Variants in TET3 observed in about 807,000 individuals in gnomAD.
TET3 encodes tet methylcytosine dioxygenase 3, also known as methylcytosine dioxygenase TET3.
Under a neutral mutation model 141.4 loss-of-function variants are expected in TET3, and 19 were observed. That is an observed-to-expected ratio of 0.13 (90% CI 0.09 to 0.20). The LOEUF is 0.20. TET3 is among the 10% of genes least tolerant of loss of function. The pLI is 1.00. For missense variants in TET3, 1,874 were observed against 2,356.9 expected (o/e 0.80, Z 4.24); for synonymous variants, 1,043 against 980.9 (o/e 1.06, Z -1.18).
chr2:74,061,046 G>A (rs1270707251), intron 4 of TET3, among the ~76,000 whole-genome samples: 2 of 152,074 alleles, frequency 1.3e-5, no homozygotes, highest in Non-Finnish European at 2.9e-5. Context: ...TCCCAGACGG[G>A]GTGGTGGCCG....
chr2:74,123,487 C>T, the TET3 span, among the ~76,000 whole-genome samples: 9 of 152,306 alleles, frequency 5.9e-5, no homozygotes, highest in South Asian at 2.1e-4. Context: ...GGCCTGTGGG[C>T]GGAACCGACC....
chr2:74,027,991 CTTTTT>C (rs936974587), intron 3 of TET3, among the ~76,000 whole-genome samples: 3 of 149,898 alleles, frequency 2.0e-5, no homozygotes, highest in African/African-American at 7.4e-5. Flanking sequence ...GTTTTTTTCA[CTTTTT>C]TTTTAAGAGG....
At chr2:74,118,732 A>T in the TET3 span, among the ~76,000 whole-genome samples, 1 of 152,162 alleles carries the variant, frequency 6.6e-6, no homozygotes, top group African/African-American at 2.4e-5. Context: ...CATATATATA[A>T]CACATATATA....
chr2:74,021,441 C>T (rs761840541), intron 3 of TET3, among the ~76,000 whole-genome samples: 1 of 152,244 alleles, frequency 6.6e-6, no homozygotes, highest in Non-Finnish European at 1.5e-5. Flanking sequence ...TTTGGCGTTT[C>T]AGAGAGCATC....
intron 3 of TET3, among the ~76,000 whole-genome samples, chr2:74,042,678 C>T (rs1453495252): frequency 6.6e-6 from 1 of 152,216 alleles, no homozygotes; most frequent in African/African-American, 2.4e-5. Flanking sequence ...TTCTGTGGAC[C>T]TGACTCCTTG....
intron 11 of TET3, 92 bp from the exon 12 acceptor site, chr2:74,100,301 A>G (rs1691109389): frequency 7.6e-7 from 1 of 1,316,276 alleles, no homozygotes; most frequent in Admixed American, 2.2e-5. Context: ...TCCCTGGGAA[A>G]GAGGGAGGGT....
In TET3 at chr2:74,060,594, G is replaced by A. The variant is rs529601057; in HGVS notation, c.2494+12183G>A. Reference sequence around the variant, plus strand: ...CAGAGGGGGATTTGGCAGGGTCATAGGACAATAGTGGAGGGAAGGTCAGCA... The same window carrying A: ...CAGAGGGGGATTTGGCAGGGTCATAAGACAATAGTGGAGGGAAGGTCAGCA... On this transcript the variant is annotated intron_variant, in intron 4 of 11. Coordinates refer to ENST00000409262, the MANE Select transcript of TET3 (RefSeq NM_001287491.2). Among the ~76,000 whole-genome samples the A allele has an allele frequency of 4.1e-3, 622 of 152,086 alleles. 4 individuals carry two copies. Among genetic ancestry groups the A allele is most frequent in the African/African-American group, 0.014 (565 of 41,452 alleles).
intron 3 of TET3, among the ~76,000 whole-genome samples, chr2:74,018,187 G>C (rs141274438): frequency 6.6e-6 from 1 of 151,792 alleles, no homozygotes; most frequent in African/African-American, 2.4e-5. Flanking sequence ...GGCTGTTTTC[G>C]AACTCGCGCC....
chr2:74,028,182 G>A (rs755988337), intron 3 of TET3, among the ~76,000 whole-genome samples: 1 of 151,666 alleles, frequency 6.6e-6, no homozygotes, highest in Non-Finnish European at 1.5e-5. Context: ...GTAGAGCAGG[G>A]GTCTTGCTTT....
intron 10 of TET3, among the ~76,000 whole-genome samples, chr2:74,097,690 A>T (rs2104179526): frequency 6.6e-6 from 1 of 152,258 alleles, no homozygotes; most frequent in South Asian, 2.1e-4. Flanking sequence ...GAAGTTTAGG[A>T]TTGAACAGTT....
intron 1 of TET3, among the ~76,000 whole-genome samples, chr2:73,985,551 C>T (rs1317747019): frequency 2.0e-5 from 3 of 147,994 alleles, no homozygotes; most frequent in East Asian, 2.0e-4. Context: ...CCAGGGCGCG[C>T]CCCCACCTCC....
intron 3 of TET3, among the ~76,000 whole-genome samples, chr2:74,040,289 G>A (rs1343067477): frequency 1.3e-5 from 2 of 152,010 alleles, no homozygotes; most frequent in Non-Finnish European, 2.9e-5. Context: ...GATACATAGA[G>A]TTGCTTAAAG....
chr2:74,092,824 G>A (rs1405966972), intron 8 of TET3, 78 bp from the exon 9 acceptor site: 1 of 1,286,888 alleles, frequency 7.8e-7, no homozygotes, highest in East Asian at 2.5e-5. Context: ...GATGCTTCAG[G>A]AATGCCAGTC....
Position 74,079,302 on chromosome 2 carries a change from C to T in TET3, c.2586-1196C>T, listed in dbSNP as rs1032969376. Among the ~76,000 whole-genome samples, 12 of 152,268 alleles carry T rather than the reference C, an allele frequency of 7.9e-5. No individual in the cohort carries two copies. The East Asian group carries it at 2.3e-3, about 29-fold the overall frequency. ...CGGAGGTTGCAATGAGCCGAGATTGCACCACTGCATTCCAGCCTGGGCGAC... is the reference window on the plus strand; with the variant it reads ...CGGAGGTTGCAATGAGCCGAGATTGTACCACTGCATTCCAGCCTGGGCGAC... On this transcript the variant is annotated intron_variant, in intron 5 of 11. Coordinates refer to ENST00000409262, the MANE Select transcript of TET3 (RefSeq NM_001287491.2).
At chr2:73,987,858 G>A (rs1441819669) in intron 2 of TET3, among the ~76,000 whole-genome samples, 3 of 152,340 alleles carry the variant, frequency 2.0e-5, no homozygotes, top group South Asian at 2.1e-4. Context: ...CTGGCAGCCC[G>A]TGCTCTGGGT....
At chr2:74,123,205 T>G in the TET3 span, 1 of 152,348 alleles carries the variant, frequency 6.6e-6, no homozygotes, top group East Asian at 1.9e-4. Flanking sequence ...TGATTTGGAC[T>G]AAAATGCCAA....
intron 3 of TET3, among the ~76,000 whole-genome samples, chr2:74,044,388 C>CA (rs1468640257): frequency 6.6e-6 from 1 of 152,086 alleles, no homozygotes; most frequent in African/African-American, 2.4e-5. Context: ...CATATTTTTC[C>CA]ATATGCATAT....
intron 3 of TET3, among the ~76,000 whole-genome samples, chr2:74,018,377 T>C (rs951749487): frequency 6.6e-6 from 1 of 152,238 alleles, no homozygotes; most frequent in African/African-American, 2.4e-5. Context: ...TTGTCTTTCA[T>C]TGTGTCTATC....
At chr2:74,082,066 A>G (rs538522384) in intron 6 of TET3, among the ~76,000 whole-genome samples, 161 of 151,712 alleles carry the variant, frequency 1.1e-3, no homozygotes, top group Non-Finnish European at 1.6e-3. Flanking sequence ...CTGCTAATTC[A>G]TGCAGTCATT....
Sources: gnomAD v4.1 joint callset for allele counts (sites outside exome capture counted in the v4.1 genomes callset) on GRCh38, gnomAD v4.1.1 for gene constraint, MANE v1.5 for transcripts, NCBI Gene and HGNC (gene_info 2026-07-23, HGNC 2026-07-21) for gene names.